SEMA3D: variants seen among roughly 807,000 people sequenced by gnomAD.
The protein encoded by SEMA3D is semaphorin-3D.
In SEMA3D, 84 loss-of-function variants were observed where a neutral mutation model predicts 100.1. The observed-to-expected ratio is 0.84, with a 90% CI of 0.70 to 1.01. The LOEUF (loss-of-function observed/expected upper bound fraction) is 1.01, where lower values mean the gene tolerates loss of function less well. Among genes scored for constraint, SEMA3D ranks in the 50% least tolerant of loss-of-function variants. SEMA3D has a pLI of 0.00. For synonymous variants in SEMA3D, 312 were observed against 320.7 expected, an observed-to-expected ratio of 0.97 and a Z score of 0.29; for missense variants, 875 against 934.1, an observed-to-expected ratio of 0.94 and a Z score of 0.82.
chr7:85,082,526 T>C (rs913728797), intron 4 of SEMA3D, among the ~76,000 whole-genome samples: 3 of 152,204 alleles, frequency 2.0e-5, no homozygotes, highest in Admixed American at 6.5e-5. Flanking sequence ...ATACTTATAA[T>C]ATATGCTCCA....
intron 2 of SEMA3D, chr7:85,151,504 G>C: frequency 2.7e-6 from 1 of 364,662 alleles, no homozygotes; most frequent in Non-Finnish European, 3.8e-6. Flanking sequence ...CAGAACTAGG[G>C]AGTTCTTAAT....
intron 3 of SEMA3D, among the ~76,000 whole-genome samples, chr7:85,109,425 G>A (rs922596149): frequency 5.3e-5 from 8 of 151,802 alleles, no homozygotes; most frequent in African/African-American, 1.5e-4. Context: ...TGAATATTCC[G>A]ACAGGTTCAC....
At chr7:85,204,439 G>A in the SEMA3D span, among the ~76,000 whole-genome samples, 10 of 151,440 alleles carry the variant, frequency 6.6e-5, 1 homozygote, top group South Asian at 6.3e-4. Context: ...ATAATATTTC[G>A]TAGAATCAGC....
chr7:85,096,451 T>C (rs917660477), intron 4 of SEMA3D, among the ~76,000 whole-genome samples: 3 of 151,934 alleles, frequency 2.0e-5, no homozygotes, highest in Admixed American at 6.6e-5. Context: ...ATGAGGTTTT[T>C]AGTGTGTTTG....
At chr7:85,229,189 G>A in the SEMA3D span, among the ~76,000 whole-genome samples, 23,124 of 151,862 alleles carry the variant, frequency 0.15, 4,036 homozygotes, top group African/African-American at 0.43. Context: ...TAGAAATCTT[G>A]AAACTACATG....
chr7:85,213,372 A>G, the SEMA3D span, among the ~76,000 whole-genome samples: 1 of 152,084 alleles, frequency 6.6e-6, no homozygotes, highest in Non-Finnish European at 1.5e-5. Context: ...TGTATTAAAA[A>G]GTATAGTCTT....
At chr7:85,181,665 T>G in intron 1 of SEMA3D, 1 of 361,668 alleles carries the variant, frequency 2.8e-6, no homozygotes, top group Non-Finnish European at 3.9e-6. Flanking sequence ...CTAAGCATGC[T>G]GACCTCCTTC....
At chr7:85,033,240 C>A (rs76246078) in intron 12 of SEMA3D, among the ~76,000 whole-genome samples, 1,728 of 152,138 alleles carry the variant, frequency 0.011, 32 homozygotes, top group African/African-American at 0.039. Context: ...CAGAAGAGAC[C>A]AGTATGTTGA....
At chr7:85,151,506 G>T in intron 2 of SEMA3D, 1 of 429,650 alleles carries the variant, frequency 2.3e-6, no homozygotes, top group Non-Finnish European at 3.1e-6. Context: ...GAACTAGGGA[G>T]TTCTTAATCA....
At chr7:85,189,834 T>C (rs764191725), upstream of SEMA3D, among the ~76,000 whole-genome samples, 4 of 152,182 alleles carry the variant, frequency 2.6e-5, no homozygotes, top group South Asian at 2.1e-4. Flanking sequence ...CATTTTATGG[T>C]AGTAATATGT....
At chr7:85,112,998 C>G (rs1789133763) in intron 3 of SEMA3D, among the ~76,000 whole-genome samples, 1 of 152,066 alleles carries the variant, frequency 6.6e-6, no homozygotes, top group Non-Finnish European at 1.5e-5. Context: ...CCTATCTCAT[C>G]TTCTGGAGTT....
At chr7:85,221,674 G>A in the SEMA3D span, among the ~76,000 whole-genome samples, 1 of 151,982 alleles carries the variant, frequency 6.6e-6, no homozygotes, top group Non-Finnish European at 1.5e-5. Context: ...CAAACAAGAT[G>A]TCTCAGGTAT....
At chr7:85,076,911 T>C (rs1259989197) in intron 5 of SEMA3D, among the ~76,000 whole-genome samples, 6 of 152,006 alleles carry the variant, frequency 3.9e-5, no homozygotes, top group African/African-American at 1.2e-4. Flanking sequence ...CTGGCCAAGA[T>C]AGTGAATTTT....
At chr7:85,081,290 T>C (rs1484696743) in intron 5 of SEMA3D, among the ~76,000 whole-genome samples, 1 of 152,178 alleles carries the variant, frequency 6.6e-6, no homozygotes, top group East Asian at 1.9e-4. Context: ...TCAGAATTAA[T>C]ACATTAGAAA....
At chr7:85,204,850 C>A in the SEMA3D span, among the ~76,000 whole-genome samples, 1 of 152,032 alleles carries the variant, frequency 6.6e-6, no homozygotes. Context: ...CACACCATTA[C>A]AGTTTTCCTT....
At chr7:85,231,436 CTTTTTTTTTTTTTTTTTTT>C in the SEMA3D span, among the ~76,000 whole-genome samples, 1 of 117,872 alleles carries the variant, frequency 8.5e-6, no homozygotes, top group African/African-American at 3.4e-5. Context: ...CAATCTTTCC[CTTTTTTTTTTTTTTTTTTT>C]TTTTTTTTTT....
chr7:85,250,156 C>T, the SEMA3D span, among the ~76,000 whole-genome samples: 5 of 151,946 alleles, frequency 3.3e-5, no homozygotes, highest in South Asian at 2.1e-4. Context: ...TGCGCTTTTC[C>T]GACAGGCTTA....
At chr7:85,043,299 C>T (rs1790914890) in intron 9 of SEMA3D, among the ~76,000 whole-genome samples, 1 of 152,048 alleles carries the variant, frequency 6.6e-6, no homozygotes, top group Admixed American at 6.6e-5. Flanking sequence ...GTTGAGGCTG[C>T]AGTGAGCCAT....
At chr7:85,123,130 A>T (rs1789475051) in intron 2 of SEMA3D, among the ~76,000 whole-genome samples, 1 of 152,090 alleles carries the variant, frequency 6.6e-6, no homozygotes, top group African/African-American at 2.4e-5. Flanking sequence ...GGCAAGTAAG[A>T]GATGGATCAA....
Sources: gnomAD v4.1 joint callset for allele counts (sites outside exome capture counted in the v4.1 genomes callset) on GRCh38, gnomAD v4.1.1 for gene constraint, MANE v1.5 for transcripts, NCBI Gene and HGNC (gene_info 2026-07-23, HGNC 2026-07-21) for gene names.